Variants in ENTREP3 observed in about 807,000 individuals in gnomAD.
ENTREP3 encodes protein ENTREP3.
chr1:155,249,078 T>C, the ENTREP3 span, among the ~76,000 whole-genome samples: 33 of 151,974 alleles, frequency 2.2e-4, no homozygotes, highest in Admixed American at 1.5e-3. Flanking sequence ...TTATTATACA[T>C]GTTTTTTGTT....
the ENTREP3 span, chr1:155,250,845 G>C: frequency 6.3e-7 from 1 of 1,577,928 alleles, no homozygotes; most frequent in Non-Finnish European, 8.6e-7. This position sits in a 1 kb window ranked among gnomAD's most constrained non-coding sequence, Gnocchi z 5.4. Context: ...GGGGCGCTGT[G>C]TAGCACCAGC....
At chr1:155,251,563 A>G in the ENTREP3 span, 1 of 1,614,032 alleles carries the variant, frequency 6.2e-7, no homozygotes, top group Non-Finnish European at 8.5e-7. Context: ...GGTAGGGTAC[A>G]AGGGCACTGG....
At chr1:155,252,690 GTATATATATATATATATATA>G in the ENTREP3 span, 8 of 32,878 alleles carry the variant, frequency 2.4e-4, no homozygotes, top group Admixed American at 5.3e-4. Flanking sequence ...AATTTTGTGT[GTATATATATATATATATATA>G]TATATATATA....
chr1:155,252,391 C>T, the ENTREP3 span, among the ~76,000 whole-genome samples: 7 of 151,352 alleles, frequency 4.6e-5, no homozygotes, highest in South Asian at 2.1e-4. Context: ...TATTTCGAGA[C>T]GAAGTTTCAC....
At chr1:155,252,690 G>GTGCATATATATATATATA in the ENTREP3 span, 1 of 32,878 alleles carries the variant, frequency 3.0e-5, no homozygotes, top group African/African-American at 1.9e-4. Flanking sequence ...AATTTTGTGT[G>GTGCATATATATATATATA]TATATATATA....
chr1:155,255,238 T>C, the ENTREP3 span: 7 of 307,878 alleles, frequency 2.3e-5, no homozygotes, highest in South Asian at 3.0e-4. This position sits in a 1 kb window ranked among gnomAD's most constrained non-coding sequence, Gnocchi z 5.6. Context: ...CAGGGAGGGG[T>C]GGGGAGGGTA....
chr1:155,247,456 G>A, the ENTREP3 span: 1 of 604,202 alleles, frequency 1.7e-6, no homozygotes, highest in South Asian at 1.5e-5. Context: ...CCATGCCTTT[G>A]CCCTGACCAT....
the ENTREP3 span, chr1:155,252,712 ATATATATATATTTTTTT>A: frequency 2.0e-5 from 1 of 50,126 alleles, no homozygotes; most frequent in East Asian, 8.1e-4. Context: ...ATATATATAT[ATATATATATATTTTTTT>A]TTTTTTTTTT....
At chr1:155,247,848 C>T in the ENTREP3 span, 2 of 1,499,560 alleles carry the variant, frequency 1.3e-6, no homozygotes, top group Non-Finnish European at 1.8e-6. Context: ...CACGCTCCAG[C>T]CTGCGGCCAG....
At chr1:155,250,800 A>T in the ENTREP3 span, 1 of 1,607,678 alleles carries the variant, frequency 6.2e-7, no homozygotes, top group South Asian at 1.1e-5. This position sits in a 1 kb window ranked among gnomAD's most constrained non-coding sequence, Gnocchi z 5.4. Flanking sequence ...TGACAGCACC[A>T]GAGACCCGCT....
the ENTREP3 span, chr1:155,250,180 A>T: frequency 9.3e-7 from 1 of 1,071,908 alleles, no homozygotes; most frequent in Non-Finnish European, 1.3e-6. This position sits in a 1 kb window ranked among gnomAD's most constrained non-coding sequence, Gnocchi z 5.4. Context: ...CTCCTCAGGG[A>T]CCTCAACTGT....
the ENTREP3 span, chr1:155,250,894 C>T: frequency 6.8e-7 from 1 of 1,460,858 alleles, no homozygotes. The surrounding 1 kb of genome is among the most constrained non-coding windows in gnomAD (Gnocchi z 5.4). Flanking sequence ...TTCCTCTTCT[C>T]CCAAGCCCAG....
the ENTREP3 span, chr1:155,254,103 T>G: frequency 6.2e-7 from 1 of 1,614,002 alleles, no homozygotes; most frequent in South Asian, 1.1e-5. The surrounding 1 kb of genome is among the most constrained non-coding windows in gnomAD (Gnocchi z 4.4). Flanking sequence ...CTGTTGGAAG[T>G]CTCGGGCCAG....
At chr1:155,250,436 T>A in the ENTREP3 span, 1 of 1,487,572 alleles carries the variant, frequency 6.7e-7, no homozygotes, top group Non-Finnish European at 8.9e-7. The surrounding 1 kb of genome is among the most constrained non-coding windows in gnomAD (Gnocchi z 5.4). Flanking sequence ...GGGCTGCGGC[T>A]GGGCGGCCCC....
chr1:155,252,711 TATATATA>T, the ENTREP3 span: 5 of 56,036 alleles, frequency 8.9e-5, no homozygotes, highest in East Asian at 7.2e-4. Flanking sequence ...TATATATATA[TATATATA>T]TATATTTTTT....
chr1:155,250,279 T>G, the ENTREP3 span: 1 of 1,546,728 alleles, frequency 6.5e-7, no homozygotes, highest in Admixed American at 2.0e-5. This position sits in a 1 kb window ranked among gnomAD's most constrained non-coding sequence, Gnocchi z 5.4. Flanking sequence ...GGCTCACCAG[T>G]GTCACTGGAG....
the ENTREP3 span, chr1:155,247,452 C>T: frequency 3.3e-6 from 2 of 598,074 alleles, no homozygotes; most frequent in Admixed American, 2.1e-5. Context: ...TGGGCCATGC[C>T]TTTGCCCTGA....
At chr1:155,247,419 ACGTCAC>A in the ENTREP3 span, 1 of 537,288 alleles carries the variant, frequency 1.9e-6, no homozygotes, top group South Asian at 1.5e-5. Flanking sequence ...GCATAGGCAC[ACGTCAC>A]CCTGTACTTA....
the ENTREP3 span, chr1:155,248,590 C>G: frequency 1.3e-6 from 1 of 792,752 alleles, no homozygotes; most frequent in Non-Finnish European, 2.2e-6. Flanking sequence ...GCTCCATCCC[C>G]AATCAAAGGG....
Sources: allele counts gnomAD v4.1 joint callset (sites outside exome capture counted in the v4.1 genomes callset), GRCh38; gene constraint gnomAD v4.1.1; non-coding constraint Gnocchi (gnomAD v3.1); transcripts MANE v1.5; gene names NCBI Gene and HGNC (gene_info 2026-07-23, HGNC 2026-07-21).